KIRREL1: variants seen among roughly 807,000 people sequenced by gnomAD.
The protein encoded by KIRREL1 is kin of IRRE-like protein 1.
In KIRREL1, 25 loss-of-function variants were observed where a neutral mutation model predicts 83.3. The observed-to-expected ratio is 0.30, with a 90% CI of 0.22 to 0.42. KIRREL1 has a LOEUF of 0.42. Among genes scored for constraint, KIRREL1 ranks in the 10% least tolerant of loss-of-function variants. The pLI is 1.00. For synonymous variants in KIRREL1, 388 were observed against 410.4 expected (o/e 0.95, Z 0.66); for missense variants, 812 against 1,032.3 (o/e 0.79, Z 2.92).
chr1:158,050,431 A>G (rs1660880968), intron 1 of KIRREL1, among the ~76,000 whole-genome samples: 1 of 151,972 alleles, frequency 6.6e-6, no homozygotes, highest in Non-Finnish European at 1.5e-5. Flanking sequence ...GTCTCTGTGG[A>G]CTTATAATGA....
chr1:158,093,849 T>C lies in KIRREL1; in HGVS notation c.1719+87T>C, dbSNP rs1420867728. 16 of 1,446,570 alleles carry C rather than the reference T, an allele frequency of 1.1e-5. No individual in the cohort carries two copies. The East Asian group carries it at 2.1e-4, about 19-fold the overall frequency. The allele number at this position is 1,446,570 out of a possible 1,614,324, so 89.6% of individuals were successfully genotyped here. On this transcript the variant is annotated intron_variant, in intron 13 of 14. Coordinates refer to ENST00000359209, the MANE Select transcript of KIRREL1 (RefSeq NM_018240.7). Reference sequence around the variant, plus strand: ...CCAGATCTCTAATAACCGCGGTCATTCTCTCCTTCCTCAGTCGGTCTTCCC... The same window carrying C: ...CCAGATCTCTAATAACCGCGGTCATCCTCTCCTTCCTCAGTCGGTCTTCCC...
At chr1:158,007,773 A>G (rs569591016) in intron 1 of KIRREL1, among the ~76,000 whole-genome samples, 1 of 151,984 alleles carries the variant, frequency 6.6e-6, no homozygotes, top group South Asian at 2.1e-4. Flanking sequence ...GAGTCCTGGA[A>G]GTGCAGCTAG....
intron 1 of KIRREL1, among the ~76,000 whole-genome samples, chr1:158,053,811 A>G (rs1019894693): frequency 2.6e-5 from 4 of 152,154 alleles, no homozygotes; most frequent in African/African-American, 4.8e-5. Flanking sequence ...TAGGTCCCCA[A>G]TGCTTGTTTG....
At chr1:158,005,691 G>C (rs1659497402) in intron 1 of KIRREL1, among the ~76,000 whole-genome samples, 1 of 152,120 alleles carries the variant, frequency 6.6e-6, no homozygotes, top group Non-Finnish European at 1.5e-5. Context: ...GCATGATTTG[G>C]GAAGGAAGGT....
chr1:158,032,626 G>A (rs941505144), intron 1 of KIRREL1, among the ~76,000 whole-genome samples: 1 of 152,210 alleles, frequency 6.6e-6, no homozygotes, highest in South Asian at 2.1e-4. Context: ...TCTGAGAAGA[G>A]ATGAGCTCTG....
At chr1:158,063,891 A>G (rs1032589634) in intron 1 of KIRREL1, among the ~76,000 whole-genome samples, 5 of 152,150 alleles carry the variant, frequency 3.3e-5, no homozygotes, top group Non-Finnish European at 7.3e-5. Context: ...GTGCTTGGGT[A>G]TGTCTACCAG....
chr1:158,068,888 G>A (rs916206566), intron 1 of KIRREL1, among the ~76,000 whole-genome samples: 1 of 151,294 alleles, frequency 6.6e-6, no homozygotes, highest in African/African-American at 2.4e-5. Context: ...GAGAGATTTA[G>A]TTCCATCTGA....
intron 1 of KIRREL1, among the ~76,000 whole-genome samples, chr1:158,038,158 C>T (rs574140355): frequency 9.5e-4 from 144 of 152,312 alleles, no homozygotes; most frequent in African/African-American, 3.2e-3. Context: ...AATAGAGGTC[C>T]GTGTGGTGAC....
chr1:158,077,667 C>A (rs1218993405), intron 2 of KIRREL1, among the ~76,000 whole-genome samples: 1 of 152,246 alleles, frequency 6.6e-6, no homozygotes, highest in East Asian at 1.9e-4. Context: ...CTCTCTCCCC[C>A]TCTCCTTTGC....
intron 1 of KIRREL1, among the ~76,000 whole-genome samples, chr1:158,003,124 A>T (rs1376762205): frequency 6.6e-6 from 1 of 152,094 alleles, no homozygotes; most frequent in Non-Finnish European, 1.5e-5. Context: ...TCTCCCAGGA[A>T]CAGCCCGGGG....
intron 8 of KIRREL1, 115 bp from the exon 9 acceptor site, chr1:158,089,387 G>C: frequency 6.5e-7 from 1 of 1,531,580 alleles, no homozygotes. Context: ...TTCCCTTCTG[G>C]GAATTCACTT....
chr1:158,086,862 C>G, intron 5 of KIRREL1, 116 bp downstream of exon 5: 1 of 855,338 alleles, frequency 1.2e-6, no homozygotes, highest in Non-Finnish European at 1.8e-6. Context: ...GTCCCCAGGA[C>G]AAACGCTTGC....
rs907742985 is a variant in KIRREL1, at chr1:158,098,770, C to G, written c.*3650C>G. The G allele has an allele frequency of 1.4e-4, 21 of 152,218 alleles. No homozygotes were observed. The highest frequency in any genetic ancestry group is 4.8e-4 in the African/African-American group (20 of 41,458). The allele number at this position is 152,218 out of a possible 1,614,324, so 9.4% of individuals were successfully genotyped here. A position where few individuals can be genotyped will look rare whatever the true frequency, so the allele number is the denominator to read the frequency against. Reference sequence around the variant, plus strand: ...ACTGTCTTGCTTGGAATGAAAACATCTGAGCACCCTGTCTTCAAGCGGTAC... The same window carrying G: ...ACTGTCTTGCTTGGAATGAAAACATGTGAGCACCCTGTCTTCAAGCGGTAC... On this transcript the variant is annotated 3_prime_UTR_variant, in exon 15 of 15. Transcript: ENST00000359209.
rs1661672011 is a variant in KIRREL1 at position 158,076,057 on chromosome 1, C to T, written c.53-56C>T. The T allele has an allele frequency of 8.5e-6, 13 of 1,536,296 alleles. No homozygotes were observed. In the East Asian group the frequency reaches 3.1e-4, roughly 36 times the overall value. ...TCCAGCTGCATGGTGAGGGGGACCT[C>T]TTAGAGGAGCCCCTCTCCTTACTCA... is the stretch of plus-strand genomic sequence containing the variant. On this transcript the variant is annotated intron_variant, in intron 1 of 14. Transcript: ENST00000359209.
chr1:157,999,884 G>A (rs964078142), intron 1 of KIRREL1, among the ~76,000 whole-genome samples: 5 of 152,162 alleles, frequency 3.3e-5, no homozygotes, highest in African/African-American at 1.2e-4. Context: ...CTTTTGTGAA[G>A]GGCAATTTTG....
intron 1 of KIRREL1, among the ~76,000 whole-genome samples, chr1:158,065,619 C>A (rs113748438): frequency 2.0e-5 from 3 of 152,148 alleles, no homozygotes; most frequent in Non-Finnish European, 4.4e-5. Flanking sequence ...TGTGGGGAGA[C>A]ACAAAGGCCC....
chr1:158,002,011 C>A (rs978943754), intron 1 of KIRREL1, among the ~76,000 whole-genome samples: 6 of 152,126 alleles, frequency 3.9e-5, no homozygotes, highest in Non-Finnish European at 8.8e-5. Context: ...AAATTTATAA[C>A]CCCTCCAATT....
intron 1 of KIRREL1, among the ~76,000 whole-genome samples, chr1:158,056,678 T>C (rs1172319909): frequency 6.6e-6 from 1 of 152,160 alleles, no homozygotes; most frequent in African/African-American, 2.4e-5. Flanking sequence ...GAGGAAGAAA[T>C]TCATTTTCCA....
In KIRREL1 at chr1:158,095,337, C is replaced by T. The variant is rs1281948129; in HGVS notation, c.*217C>T. Reference sequence around the variant, plus strand: ...CCTGGGCCTGCCCTTCCCTCTTCTTCGGGAGGATGTGTCTCTTCTGACCTG... The same window carrying T: ...CCTGGGCCTGCCCTTCCCTCTTCTTTGGGAGGATGTGTCTCTTCTGACCTG... On this transcript the variant is annotated 3_prime_UTR_variant, in exon 15 of 15. Transcript: ENST00000359209. The T allele has an allele frequency of 4.1e-5, 22 of 530,464 alleles. No homozygotes were observed. Among genetic ancestry groups the T allele is most frequent in the Non-Finnish European group, 7.3e-5 (22 of 299,762 alleles). The allele number at this position is 530,464 out of a possible 1,614,324, so 32.9% of individuals were successfully genotyped here. A position where few individuals can be genotyped will look rare whatever the true frequency, so the allele number is the denominator to read the frequency against.
Sources: allele counts gnomAD v4.1 joint callset (sites outside exome capture counted in the v4.1 genomes callset), GRCh38; gene constraint gnomAD v4.1.1; transcripts MANE v1.5; gene names NCBI Gene and HGNC (gene_info 2026-07-23, HGNC 2026-07-21).